Variants in BCAS3 observed in about 807,000 individuals in gnomAD.
The protein encoded by BCAS3 is BCAS4/BCAS3 fusion.
Under a neutral mutation model 116.1 loss-of-function variants are expected in BCAS3, and 53 were observed. The observed-to-expected ratio is 0.46, with a 90% CI of 0.37 to 0.57. BCAS3 has a LOEUF of 0.57. Among genes scored for constraint, BCAS3 ranks in the 20% least tolerant of loss-of-function variants. BCAS3 has a pLI of 0.00. For synonymous variants in BCAS3, 391 were observed against 408.2 expected (o/e 0.96, Z 0.51); for missense variants, 917 against 1,165.4 (o/e 0.79, Z 3.10).
chr17:61,301,669 G>A (rs933126057), intron 22 of BCAS3, among the ~76,000 whole-genome samples: 1 of 152,148 alleles, frequency 6.6e-6, no homozygotes, highest in Non-Finnish European at 1.5e-5. Flanking sequence ...CTTGGTTACA[G>A]CCACAGGTTG....
Position 61,380,550 on chromosome 17 carries a change from C to T in BCAS3, c.2594-11427C>T. ...AGTAAAAACCTTCCCCCCTGAGAGA[C>T]ACGTGGCAGTGAAGTGTTTTGGTAT... On this transcript the variant is annotated intron_variant, in intron 23 of 23. Transcript: ENST00000407086. The surrounding 1 kb of genome is among the most constrained non-coding windows in gnomAD (Gnocchi z 4.2). 6.3e-7 allele frequency: 1 copy of T among 1,598,190 alleles called. No homozygotes were observed. Among genetic ancestry groups the T allele is most frequent in the Non-Finnish European group, 8.5e-7 (1 of 1,179,594 alleles).
intron 3 of BCAS3, among the ~76,000 whole-genome samples, chr17:60,684,295 G>A (rs2033700028): frequency 6.6e-6 from 1 of 152,076 alleles, no homozygotes; most frequent in Non-Finnish European, 1.5e-5. Context: ...TTTGAGACCT[G>A]GGACTTTCTT....
At position 61,235,136 on chromosome 17, in the gene BCAS3, T is replaced by G. The variant is rs967981404; in HGVS notation, c.2426-133191T>G. On this transcript the variant is annotated intron_variant, in intron 22 of 23. Transcript: ENST00000407086. The surrounding 1 kb of genome is among the most constrained non-coding windows in gnomAD (Gnocchi z 5.0). ...TCCTGACCTAAGATGATCCGCCCAC[T>G]TCGGTCTTCCAAAGTGCTGGGATTA... is the stretch of plus-strand genomic sequence containing the variant. Among the ~76,000 whole-genome samples, 1 of 152,132 alleles carries G rather than the reference T, an allele frequency of 6.6e-6. No individual in the cohort carries two copies. Among genetic ancestry groups the G allele is most frequent in the African/African-American group, 2.4e-5 (1 of 41,446 alleles).
rs1437268465 is a variant in BCAS3 at position 61,233,027 on chromosome 17, A to G, written c.2426-135300A>G. On this transcript the variant is annotated intron_variant, in intron 22 of 23. Coordinates refer to ENST00000407086, the MANE Select transcript of BCAS3 (RefSeq NM_017679.5). This position sits in a 1 kb window ranked among gnomAD's most constrained non-coding sequence, Gnocchi z 4.3. The stretch of plus-strand genomic sequence containing the variant: ...GTTTGTTTTGGGCCTCCATGAAGTC[A>G]TTCCTTTGCAGTGATCTGTAGCTAG... Among the ~76,000 whole-genome samples, 4 of 152,188 alleles carry G rather than the reference A, an allele frequency of 2.6e-5. No homozygotes were observed. The highest frequency in any genetic ancestry group is 6.5e-5 in the Admixed American group (1 of 15,284).
intron 22 of BCAS3, among the ~76,000 whole-genome samples, chr17:61,092,787 A>C (rs2073683387): frequency 6.6e-6 from 1 of 151,732 alleles, no homozygotes; most frequent in African/African-American, 2.4e-5. Context: ...ATTTTCTTTC[A>C]GTTAATTGCG....
rs1198303999 is a variant in BCAS3, at chr17:61,051,744, C to G, written c.2029+10852C>G. On this transcript the variant is annotated intron_variant, in intron 19 of 23. Transcript: ENST00000407086. The surrounding 1 kb of genome is among the most constrained non-coding windows in gnomAD (Gnocchi z 4.1). ...TCCTGAGTACCTGGGACTATAGGCTCGCACCATCATGCCTGGCTAATTCAA... is the reference window on the plus strand; with the variant it reads ...TCCTGAGTACCTGGGACTATAGGCTGGCACCATCATGCCTGGCTAATTCAA... Among the ~76,000 whole-genome samples the G allele has an allele frequency of 1.3e-5, 2 of 151,862 alleles. No individual in the cohort carries two copies. The highest frequency in any genetic ancestry group is 1.9e-4 in the East Asian group (1 of 5,174).
At chr17:61,150,927 G>A (rs1213666129) in intron 22 of BCAS3, among the ~76,000 whole-genome samples, 1 of 152,110 alleles carries the variant, frequency 6.6e-6, no homozygotes, top group Non-Finnish European at 1.5e-5. Context: ...CCACACTTTT[G>A]CAAACCTTCT....
chr17:60,828,043 A>C (rs966991189), intron 7 of BCAS3, among the ~76,000 whole-genome samples: 1 of 152,156 alleles, frequency 6.6e-6, no homozygotes, highest in Non-Finnish European at 1.5e-5. Flanking sequence ...TCAGCCACCA[A>C]GAAGGATGCA....
rs777321611 is a variant in BCAS3, at chr17:61,241,519, C to T, written c.2426-126808C>T. Among the ~76,000 whole-genome samples the T allele has an allele frequency of 1.3e-5, 2 of 151,608 alleles. No homozygotes were observed. On this transcript the variant is annotated intron_variant, in intron 22 of 23. Coordinates refer to ENST00000407086, the MANE Select transcript of BCAS3 (RefSeq NM_017679.5). The surrounding 1 kb of genome is among the most constrained non-coding windows in gnomAD (Gnocchi z 4.6). ...GAGGTCAGGAGATCAAGACCATCCTCGCTAACACGGTGAAACCCCACCTCT... is the reference window on the plus strand; with the variant it reads ...GAGGTCAGGAGATCAAGACCATCCTTGCTAACACGGTGAAACCCCACCTCT...
chr17:61,067,286 T>TATATATATAC, intron 19 of BCAS3, among the ~76,000 whole-genome samples: 1 of 118,786 alleles, frequency 8.4e-6, no homozygotes, highest in Admixed American at 7.9e-5. Flanking sequence ...TATATATATA[T>TATATATATAC]ATATATATAT....
rs76425006 is a variant in BCAS3, at chr17:61,210,774, C to T, written c.2425+126210C>T. Among the ~76,000 whole-genome samples the T allele has an allele frequency of 5.6e-3, 852 of 152,284 alleles. 13 individuals are homozygous for T. The highest frequency in any genetic ancestry group is 0.019 in the African/African-American group (810 of 41,552). The stretch of plus-strand genomic sequence containing the variant: ...GAGAAGGAAGGGACCTTTTCAACTA[C>T]GAGCACACTCTCTATCCCATCTCAT... On this transcript the variant is annotated intron_variant, in intron 22 of 23. Coordinates refer to ENST00000407086, the MANE Select transcript of BCAS3 (RefSeq NM_017679.5).
At chr17:61,107,953 G>C (rs1279561759) in intron 22 of BCAS3, among the ~76,000 whole-genome samples, 2 of 152,184 alleles carry the variant, frequency 1.3e-5, no homozygotes, top group African/African-American at 4.8e-5. Flanking sequence ...TTTCCATACT[G>C]TCTGTATTAT....
chr17:61,206,468 A>T (rs2081130544), intron 22 of BCAS3, among the ~76,000 whole-genome samples: 1 of 152,104 alleles, frequency 6.6e-6, no homozygotes, highest in Admixed American at 6.6e-5. Flanking sequence ...ACTATGAGTG[A>T]CTATAATATT....
intron 22 of BCAS3, among the ~76,000 whole-genome samples, chr17:61,193,818 C>T (rs1432747977): frequency 7.2e-6 from 1 of 138,674 alleles, no homozygotes; most frequent in Non-Finnish European, 1.5e-5. Context: ...TCATATTCTG[C>T]TTATAAAAAA....
intron 22 of BCAS3, among the ~76,000 whole-genome samples, chr17:61,085,401 A>C (rs527566175): frequency 1.3e-5 from 2 of 152,234 alleles, no homozygotes; most frequent in East Asian, 3.8e-4. Context: ...AAATCCCTAG[A>C]GACTGCTGAT....
In BCAS3 at chr17:61,347,710, T is replaced by G; in HGVS notation, c.2426-20617T>G. 6.6e-6 allele frequency among the ~76,000 whole-genome samples: 1 copy of G among 152,210 alleles called. No individual in the cohort carries two copies. The highest frequency in any genetic ancestry group is 1.5e-5 in the Non-Finnish European group (1 of 68,034). The stretch of plus-strand genomic sequence containing the variant: ...GTGGAATTGGTGACTCTAGGTGCTA[T>G]GTGAAGGTAAGCCTAGGGTGTTGTG... On this transcript the variant is annotated intron_variant, in intron 22 of 23. Coordinates refer to ENST00000407086, the MANE Select transcript of BCAS3 (RefSeq NM_017679.5). This position sits in a 1 kb window ranked among gnomAD's most constrained non-coding sequence, Gnocchi z 4.3.
At chr17:60,944,234 CAG>C (rs577026611) in intron 13 of BCAS3, among the ~76,000 whole-genome samples, 14 of 151,608 alleles carry the variant, frequency 9.2e-5, no homozygotes, top group Non-Finnish European at 1.8e-4. Context: ...AGAAAAAAAA[CAG>C]AGAAGACACA....
At chr17:60,872,673 CAT>C (rs1476608017) in intron 8 of BCAS3, among the ~76,000 whole-genome samples, 3 of 150,632 alleles carry the variant, frequency 2.0e-5, no homozygotes, top group African/African-American at 7.4e-5. Context: ...TATATACACA[CAT>C]ACACACACAT....
chr17:60,907,298 T>A (rs1243447451), intron 11 of BCAS3, among the ~76,000 whole-genome samples: 4 of 152,202 alleles, frequency 2.6e-5, no homozygotes, highest in Non-Finnish European at 5.9e-5. Flanking sequence ...AAAATCTTGG[T>A]CCATATTTTC....
Sources: allele counts gnomAD v4.1 joint callset (sites outside exome capture counted in the v4.1 genomes callset), GRCh38; gene constraint gnomAD v4.1.1; non-coding constraint Gnocchi (gnomAD v3.1); transcripts MANE v1.5; gene names NCBI Gene and HGNC (gene_info 2026-07-23, HGNC 2026-07-21).